CRTC3: variants seen among roughly 807,000 people sequenced by gnomAD.
CRTC3 encodes CREB-regulated transcription coactivator 3.
In CRTC3, 26 loss-of-function variants were observed where a neutral mutation model predicts 74.5. The ratio of observed to expected loss-of-function variants is 0.35; its 90% CI spans 0.26 to 0.48. The LOEUF is 0.48. Among genes scored for constraint, CRTC3 ranks in the 20% least tolerant of loss-of-function variants. CRTC3 has a pLI of 0.99. For synonymous variants in CRTC3, 377 were observed against 325.8 expected (o/e 1.16, Z -1.69); for missense variants, 760 against 787.3 (o/e 0.97, Z 0.41).
chr15:90,632,615 ATTATT>A (rs1242909854), intron 11 of CRTC3, among the ~76,000 whole-genome samples: 2 of 151,900 alleles, frequency 1.3e-5, no homozygotes, highest in African/African-American at 2.4e-5. Context: ...CCATGTTATT[ATTATT>A]TTGAGACAGA....
intron 7 of CRTC3, among the ~76,000 whole-genome samples, chr15:90,615,176 A>G (rs1968461452): frequency 6.6e-6 from 1 of 152,210 alleles, no homozygotes. Context: ...AATGCCAGGA[A>G]AATGCAAATT....
intron 8 of CRTC3, 152 bp downstream of exon 8, chr15:90,618,120 G>A (rs919500317): frequency 1.1e-5 from 5 of 438,858 alleles, no homozygotes; most frequent in African/African-American, 4.0e-5. Context: ...AGGGAAGGAC[G>A]TTTCAAGTAA....
intron 2 of CRTC3, among the ~76,000 whole-genome samples, chr15:90,552,824 C>G (rs1458546935): frequency 1.3e-5 from 2 of 152,216 alleles, no homozygotes; most frequent in Non-Finnish European, 2.9e-5. Context: ...TCCCAAGCAT[C>G]TAACTAAATT....
At chr15:90,623,259 A>C (rs1168618993) in intron 9 of CRTC3, among the ~76,000 whole-genome samples, 2 of 152,098 alleles carry the variant, frequency 1.3e-5, no homozygotes, top group Non-Finnish European at 2.9e-5. Context: ...CTGCTTACCC[A>C]TCATCAGCCC....
At chr15:90,614,992 A>T (rs1192906743) in intron 7 of CRTC3, among the ~76,000 whole-genome samples, 1 of 152,116 alleles carries the variant, frequency 6.6e-6, no homozygotes, top group African/African-American at 2.4e-5. Context: ...TGAACACGGG[A>T]GGCGGAGGTT....
At chr15:90,582,467 A>C (rs1187504880) in intron 2 of CRTC3, among the ~76,000 whole-genome samples, 1 of 152,262 alleles carries the variant, frequency 6.6e-6, no homozygotes. Flanking sequence ...AAGTAGGAGT[A>C]GAATAAGAAG....
chr15:90,579,801 C>A (rs1187689322), intron 2 of CRTC3, among the ~76,000 whole-genome samples: 1 of 151,898 alleles, frequency 6.6e-6, no homozygotes, highest in Admixed American at 6.6e-5. Context: ...GCCACCATGC[C>A]CAGCTAATTT....
chr15:90,633,755 A>G (rs923346371), intron 11 of CRTC3, among the ~76,000 whole-genome samples: 25 of 145,038 alleles, frequency 1.7e-4, no homozygotes, highest in Non-Finnish European at 3.0e-4. Context: ...CTTTTCCTCT[A>G]TTATCCTTAT....
chr15:90,604,456 G>T lies in CRTC3; in HGVS notation c.476+9G>T. 3 of 1,607,350 alleles carry T rather than the reference G, an allele frequency of 1.9e-6. No homozygotes were observed. The highest frequency in any genetic ancestry group is 1.1e-5 in the South Asian group (1 of 90,950). On this transcript the variant is annotated intron_variant, in intron 5 of 14. Transcript: ENST00000268184. ...ACATCTGCACTTAACAGGTACATGG[G>T]TTGTTTCCTGGTAGGAGTAGATTTT...
chr15:90,601,210 T>C (rs576031505), intron 3 of CRTC3, among the ~76,000 whole-genome samples: 15 of 152,262 alleles, frequency 9.9e-5, no homozygotes, highest in African/African-American at 3.6e-4. Context: ...TAGTGCAGCA[T>C]CCCATTTGTG....
At chr15:90,532,871 G>A (rs1567155700) in intron 1 of CRTC3, among the ~76,000 whole-genome samples, 2 of 151,722 alleles carry the variant, frequency 1.3e-5, no homozygotes. Flanking sequence ...CAGATCACGA[G>A]GTCAAGAGAT....
At chr15:90,637,344 A>C (rs1969276801) in intron 11 of CRTC3, among the ~76,000 whole-genome samples, 1 of 152,192 alleles carries the variant, frequency 6.6e-6, no homozygotes, top group Non-Finnish European at 1.5e-5. Flanking sequence ...CATAGGTGGG[A>C]ATTGAACAAT....
At chr15:90,582,018 G>A (rs1209388316) in intron 2 of CRTC3, among the ~76,000 whole-genome samples, 1 of 152,170 alleles carries the variant, frequency 6.6e-6, no homozygotes, top group Admixed American at 6.5e-5. Context: ...CCTTTGGCCA[G>A]TTGCCTTACC....
At chr15:90,567,580 C>T (rs12101743) in intron 2 of CRTC3, among the ~76,000 whole-genome samples, 9,800 of 151,858 alleles carry the variant, frequency 0.065, 1,057 homozygotes, top group African/African-American at 0.22. Flanking sequence ...CCCAGCTACT[C>T]GGGAAGCTGA....
intron 11 of CRTC3, among the ~76,000 whole-genome samples, chr15:90,630,138 T>G (rs572912290): frequency 1.2e-4 from 18 of 152,268 alleles, no homozygotes; most frequent in South Asian, 2.1e-4. Flanking sequence ...AGAGGAACGG[T>G]AGGATATAGA....
intron 9 of CRTC3, among the ~76,000 whole-genome samples, chr15:90,624,275 C>T (rs1045406586): frequency 2.6e-5 from 4 of 152,084 alleles, no homozygotes; most frequent in African/African-American, 9.7e-5. Flanking sequence ...CACCCCTGGA[C>T]CACTGCAGGT....
intron 2 of CRTC3, among the ~76,000 whole-genome samples, chr15:90,562,049 A>G (rs1232580337): frequency 2.6e-5 from 4 of 152,200 alleles, no homozygotes; most frequent in Non-Finnish European, 4.4e-5. Flanking sequence ...CAGATAGCTA[A>G]TGTCTTAGCT....
At position 90,552,262 on chromosome 15, in the gene CRTC3, G is replaced by A. The variant is rs570739443; in HGVS notation, c.231+12125G>A. Among the ~76,000 whole-genome samples, 431 of 152,230 alleles carry A rather than the reference G, an allele frequency of 2.8e-3. 1 individual carries two copies. The highest frequency in any genetic ancestry group is 9.9e-3 in the African/African-American group (412 of 41,526). On this transcript the variant is annotated intron_variant, in intron 2 of 14. Transcript: ENST00000268184. Reference sequence around the variant, plus strand: ...GTCCAGTACTGCGGCCCGAGCAGCCGGCATCTGGCCACTGCCCCTCGGTGA... The same window carrying A: ...GTCCAGTACTGCGGCCCGAGCAGCCAGCATCTGGCCACTGCCCCTCGGTGA...
At chr15:90,541,942 G>A (rs1181600644) in intron 2 of CRTC3, among the ~76,000 whole-genome samples, 1 of 151,480 alleles carries the variant, frequency 6.6e-6, no homozygotes. Context: ...GCACTACCAC[G>A]CCCAGCTAAT....
Sources: gnomAD v4.1 joint callset for allele counts (sites outside exome capture counted in the v4.1 genomes callset) on GRCh38, gnomAD v4.1.1 for gene constraint, MANE v1.5 for transcripts, NCBI Gene and HGNC (gene_info 2026-07-23, HGNC 2026-07-21) for gene names.